Variants in UPF2 observed in about 807,000 individuals in gnomAD.
The protein encoded by UPF2 is regulator of nonsense transcripts 2.
A neutral mutation model predicts 141.4 loss-of-function variants in UPF2; 17 were observed. The observed-to-expected ratio is 0.12, with a 90% CI of 0.08 to 0.18. The LOEUF is 0.18. UPF2 is among the 10% of genes least tolerant of loss of function. The pLI, the probability that UPF2 is intolerant of heterozygous loss-of-function variation, is 1.00. For missense variants in UPF2, 1,152 were observed against 1,515.9 expected (o/e 0.76, Z 3.99); for synonymous variants, 540 against 498.0 (o/e 1.08, Z -1.12).
rs757710165 is a variant in UPF2 at position 11,964,039 on chromosome 10, T to G, written c.2154A>C (p.Pro718=). The G allele has an allele frequency of 6.8e-6, 11 of 1,613,820 alleles. No individual in the cohort carries two copies. The highest frequency in any genetic ancestry group is 5.9e-6 in the Non-Finnish European group (7 of 1,179,896). ...GTACACTGGTCCTCAGGTGAGATTC[T>G]GGAGATCTGAAAAGAAACCGTCCAC... ...ETCGRFLFRS[P]ESHLRTSVLL... The change falls in exon 11 of 22, where the codon CCA becomes CCC. Residue 718 remains proline (P), a synonymous_variant. Transcript: ENST00000357604.
chr10:11,961,888 A>G (rs1430671598), intron 11 of UPF2, among the ~76,000 whole-genome samples: 1 of 152,158 alleles, frequency 6.6e-6, no homozygotes, highest in Non-Finnish European at 1.5e-5. Flanking sequence ...CAAGTTTCAT[A>G]ACTGTTTCTC....
chr10:12,008,488 G>A (rs1443804205), intron 4 of UPF2, among the ~76,000 whole-genome samples: 1 of 151,826 alleles, frequency 6.6e-6, no homozygotes, highest in Non-Finnish European at 1.5e-5. Flanking sequence ...AAATTAGCCA[G>A]GCATGGTGAC....
intron 9 of UPF2, among the ~76,000 whole-genome samples, chr10:11,968,535 A>T (rs945509291): frequency 6.6e-6 from 1 of 152,224 alleles, no homozygotes. Context: ...GTGCATTGTA[A>T]TTATAAACTA....
intron 8 of UPF2, among the ~76,000 whole-genome samples, chr10:11,995,567 G>C (rs1380784200): frequency 6.6e-6 from 1 of 152,036 alleles, no homozygotes; most frequent in Non-Finnish European, 1.5e-5. Context: ...GGCGGATCAC[G>C]AAGTCAGGAG....
intron 21 of UPF2, among the ~76,000 whole-genome samples, chr10:11,924,636 C>T (rs143243648): frequency 2.0e-3 from 303 of 151,830 alleles, no homozygotes; most frequent in African/African-American, 6.9e-3. Flanking sequence ...CTGGCTCTGT[C>T]GCCCAACCTG....
chr10:11,952,469 C>CTTTTTTTTTTTTT (rs869201076), intron 14 of UPF2, among the ~76,000 whole-genome samples: 3 of 97,740 alleles, frequency 3.1e-5, no homozygotes, highest in Non-Finnish European at 5.7e-5. Context: ...TACTAAATAT[C>CTTTTTTTTTTTTT]TTTTTTTTTT....
chr10:12,031,153 G>A (rs1411492897), intron 2 of UPF2, among the ~76,000 whole-genome samples: 2 of 116,916 alleles, frequency 1.7e-5, no homozygotes, highest in Non-Finnish European at 3.3e-5. Flanking sequence ...CGGCCTGGGC[G>A]AAAGAGCAAG....
intron 3 of UPF2, among the ~76,000 whole-genome samples, chr10:12,015,319 C>T (rs1023583997): frequency 2.6e-5 from 4 of 152,180 alleles, no homozygotes; most frequent in African/African-American, 4.8e-5. Flanking sequence ...AAAATAATGC[C>T]TATACTTATT....
intron 4 of UPF2, among the ~76,000 whole-genome samples, chr10:12,011,797 T>A (rs931890051): frequency 6.6e-6 from 1 of 150,904 alleles, no homozygotes; most frequent in Non-Finnish European, 1.5e-5. Flanking sequence ...AATACAAAAT[T>A]AGCCGGGTGT....
chr10:12,007,243 T>C (rs139569227), intron 4 of UPF2, among the ~76,000 whole-genome samples: 1 of 152,338 alleles, frequency 6.6e-6, no homozygotes, highest in East Asian at 1.9e-4. Flanking sequence ...AAGCTAGAGA[T>C]ATCTGATTAT....
intron 3 of UPF2, among the ~76,000 whole-genome samples, chr10:12,026,886 C>T (rs1834429108): frequency 6.6e-6 from 1 of 152,142 alleles, no homozygotes; most frequent in Non-Finnish European, 1.5e-5. Flanking sequence ...CTCCTGACCT[C>T]AGATGATCCA....
chr10:11,924,589 T>C (rs372346490), intron 21 of UPF2, among the ~76,000 whole-genome samples: 1 of 134,418 alleles, frequency 7.4e-6, no homozygotes, highest in Non-Finnish European at 1.7e-5. Flanking sequence ...AAAAAAAAAA[T>C]CTTTTTTTTA....
chr10:11,932,271 T>C (rs564378997), intron 19 of UPF2, among the ~76,000 whole-genome samples: 1 of 152,164 alleles, frequency 6.6e-6, no homozygotes, highest in African/African-American at 2.4e-5. Context: ...TCCCCCTTTT[T>C]AGGTTCCTGA....
rs971399856 is a variant in UPF2 at position 11,956,832 on chromosome 10, T to TC, written c.2371-310dup. 5.3e-5 allele frequency among the ~76,000 whole-genome samples: 8 copies of TC among 151,754 alleles called. No individual in the cohort carries two copies. Among genetic ancestry groups the TC allele is most frequent in the African/African-American group, 9.7e-5 (4 of 41,294 alleles). On this transcript the variant is annotated intron_variant, in intron 12 of 21. Transcript: ENST00000357604. This position sits in a 1 kb window ranked among gnomAD's most constrained non-coding sequence, Gnocchi z 4.2. ...CAGGAGTTTGGAGTAGGTTTCTTTTTCCCCCCCAGACACAGTCTCACTCTG... is the reference window on the plus strand; with the variant it reads ...CAGGAGTTTGGAGTAGGTTTCTTTTTCCCCCCCCAGACACAGTCTCACTCTG...
chr10:11,938,856 T>TTG (rs1832891877), intron 18 of UPF2, among the ~76,000 whole-genome samples: 4 of 67,028 alleles, frequency 6.0e-5, no homozygotes, highest in Non-Finnish European at 8.0e-5. Context: ...TTTTTTTGTT[T>TTG]TTTTTTTTTT....
intron 8 of UPF2, among the ~76,000 whole-genome samples, chr10:11,981,172 T>TA (rs990980040): frequency 6.6e-6 from 1 of 151,268 alleles, no homozygotes. Flanking sequence ...CAAAAAGATT[T>TA]AAAAAAAAAT....
Position 12,016,969 on chromosome 10 carries a change from G to A in UPF2, c.1146-2785C>T, listed in dbSNP as rs1274708305. ...CGGAAGGCAGAGGTTGCAGTGAGCT[G>A]AGATTGCACCATTGCACTCCAGCCT... On this transcript the variant is annotated intron_variant, in intron 3 of 21. Transcript: ENST00000357604. The surrounding 1 kb of genome is among the most constrained non-coding windows in gnomAD (Gnocchi z 4.1). Among the ~76,000 whole-genome samples the A allele has an allele frequency of 6.7e-6, 1 of 149,054 alleles. No individual in the cohort carries two copies. The highest frequency in any genetic ancestry group is 2.5e-5 in the African/African-American group (1 of 40,324).
chr10:12,021,821 A>G (rs1177891204), intron 3 of UPF2, among the ~76,000 whole-genome samples: 1 of 152,120 alleles, frequency 6.6e-6, no homozygotes, highest in African/African-American at 2.4e-5. Context: ...CATTCTGTCC[A>G]ATTTTAATAA....
intron 9 of UPF2, among the ~76,000 whole-genome samples, chr10:11,973,997 T>C (rs538874553): frequency 6.6e-6 from 1 of 152,368 alleles, no homozygotes; most frequent in East Asian, 1.9e-4. Flanking sequence ...TTTCATGATA[T>C]TGATTCTTCC....
Sources: allele counts gnomAD v4.1 joint callset (sites outside exome capture counted in the v4.1 genomes callset), GRCh38; gene constraint gnomAD v4.1.1; non-coding constraint Gnocchi (gnomAD v3.1); transcripts MANE v1.5; gene names NCBI Gene and HGNC (gene_info 2026-07-23, HGNC 2026-07-21).